The following RTN1 variants were observed in gnomAD, a reference collection of about 807,000 sequenced individuals.
RTN1 encodes reticulon-1.
In RTN1, 25 loss-of-function variants were observed where a neutral mutation model predicts 65.5. That is an observed-to-expected ratio of 0.38 (90% CI 0.28 to 0.53). RTN1 has a LOEUF of 0.53. Among genes scored for constraint, RTN1 ranks in the 20% least tolerant of loss-of-function variants. RTN1 has a pLI of 0.79. For missense variants in RTN1, 983 were observed against 1,025.4 expected (o/e 0.96, Z 0.57); for synonymous variants, 471 against 447.6 (o/e 1.05, Z -0.66).
At chr14:59,788,877 T>C (rs1335141284) in intron 1 of RTN1, among the ~76,000 whole-genome samples, 1 of 152,144 alleles carries the variant, frequency 6.6e-6, no homozygotes, top group African/African-American at 2.4e-5. Context: ...GATGCATTGA[T>C]TTCAGTTGGT....
At chr14:59,650,756 A>G (rs535012332) in intron 3 of RTN1, among the ~76,000 whole-genome samples, 2 of 152,376 alleles carry the variant, frequency 1.3e-5, no homozygotes, top group African/African-American at 2.4e-5. Context: ...GAAGTCAGAG[A>G]TAACACAAAC....
intron 3 of RTN1, among the ~76,000 whole-genome samples, chr14:59,608,915 TA>T (rs138360256): frequency 2.7e-5 from 4 of 150,820 alleles, no homozygotes; most frequent in African/African-American, 4.9e-5. Context: ...AAATAAAAAA[TA>T]AAAAAAAAGT....
chr14:59,750,395 TAA>T (rs1457870005), intron 1 of RTN1, among the ~76,000 whole-genome samples: 5 of 58,906 alleles, frequency 8.5e-5, no homozygotes, highest in African/African-American at 1.3e-4. Context: ...ATTATATCTA[TAA>T]TATATATATT....
At chr14:59,800,055 C>G (rs888334296) in intron 1 of RTN1, among the ~76,000 whole-genome samples, 20 of 152,044 alleles carry the variant, frequency 1.3e-4, no homozygotes, top group Admixed American at 1.2e-3. Context: ...GAAAGAGAAC[C>G]CCTCCGTGGC....
intron 3 of RTN1, among the ~76,000 whole-genome samples, chr14:59,693,873 G>A (rs1318609408): frequency 6.6e-6 from 1 of 152,164 alleles, no homozygotes; most frequent in African/African-American, 2.4e-5. Context: ...GAATCCAAAG[G>A]CTGGTCTATG....
At chr14:59,869,579 TG>T (rs753626233) in intron 1 of RTN1, among the ~76,000 whole-genome samples, 17,039 of 56,252 alleles carry the variant, frequency 0.3, 1,013 homozygotes, top group East Asian at 0.4. Flanking sequence ...ATTTCCGGGG[TG>T]GGGGGGGGGG....
chr14:59,767,606 T>G (rs1175424451), intron 1 of RTN1, among the ~76,000 whole-genome samples: 1 of 152,088 alleles, frequency 6.6e-6, no homozygotes, highest in African/African-American at 2.4e-5. Flanking sequence ...AGAAAACAAG[T>G]AGACAGCAGA....
intron 1 of RTN1, among the ~76,000 whole-genome samples, chr14:59,831,769 T>C (rs1887128484): frequency 6.6e-6 from 1 of 151,990 alleles, no homozygotes; most frequent in East Asian, 1.9e-4. Context: ...TCCATATATA[T>C]ATATACATCC....
chr14:59,809,588 G>T (rs60669266), intron 1 of RTN1, among the ~76,000 whole-genome samples: 1 of 152,086 alleles, frequency 6.6e-6, no homozygotes, highest in South Asian at 2.1e-4. Flanking sequence ...TAAATAGAAG[G>T]CTAATTAATC....
In RTN1 at chr14:59,603,055, T is replaced by A; in HGVS notation, c.2288+10A>T. On this transcript the variant is annotated intron_variant, in intron 8 of 8. Transcript: ENST00000267484. ...GTCTCTCCTTTTATGCATTGCACTATGTGACTTACTTTGCCACAACAGCAT... is the reference window on the plus strand; with the variant it reads ...GTCTCTCCTTTTATGCATTGCACTAAGTGACTTACTTTGCCACAACAGCAT... 6.2e-7 allele frequency: 1 copy of A among 1,612,378 alleles called. No individual in the cohort carries two copies. Among genetic ancestry groups the A allele is most frequent in the Admixed American group, 1.7e-5 (1 of 60,002 alleles).
At chr14:59,692,303 C>A (rs1365938359) in intron 3 of RTN1, among the ~76,000 whole-genome samples, 1 of 151,902 alleles carries the variant, frequency 6.6e-6, no homozygotes, top group African/African-American at 2.4e-5. Context: ...AAGCTGAGAG[C>A]CAAATCAAGA....
intron 1 of RTN1, among the ~76,000 whole-genome samples, chr14:59,845,460 C>T (rs1887391440): frequency 6.6e-6 from 1 of 152,152 alleles, no homozygotes; most frequent in South Asian, 2.1e-4. Context: ...ATCCCTCTTG[C>T]TCTCCACTGC....
chr14:59,631,295 C>T (rs1278815836), intron 3 of RTN1, among the ~76,000 whole-genome samples: 3 of 152,176 alleles, frequency 2.0e-5, no homozygotes, highest in African/African-American at 7.2e-5. Flanking sequence ...TGTCAGAATG[C>T]GGTGCCTGTA....
At chr14:59,773,973 TTC>T (rs1886005789) in intron 1 of RTN1, among the ~76,000 whole-genome samples, 1 of 152,218 alleles carries the variant, frequency 6.6e-6, no homozygotes, top group Non-Finnish European at 1.5e-5. Context: ...ATGCCTTCTT[TTC>T]TCTCTTTCAT....
intron 3 of RTN1, among the ~76,000 whole-genome samples, chr14:59,682,889 GA>G (rs1024332604): frequency 7.2e-5 from 11 of 152,122 alleles, no homozygotes; most frequent in Admixed American, 1.3e-4. Context: ...TTGCCTAATA[GA>G]AATCTTACTT....
chr14:59,599,365 G>T (rs1881507239), intron 8 of RTN1, among the ~76,000 whole-genome samples: 1 of 152,120 alleles, frequency 6.6e-6, no homozygotes, highest in African/African-American at 2.4e-5. Flanking sequence ...TTCTGAATTT[G>T]CTTTTGCTTC....
chr14:59,860,798 T>C (rs764953206), intron 1 of RTN1, among the ~76,000 whole-genome samples: 4 of 152,106 alleles, frequency 2.6e-5, no homozygotes, highest in Non-Finnish European at 4.4e-5. Context: ...TCAAAGGAGA[T>C]CATTTTGAAG....
At chr14:59,730,774 A>C (rs72716160) in intron 2 of RTN1, among the ~76,000 whole-genome samples, 1 of 152,354 alleles carries the variant, frequency 6.6e-6, no homozygotes, top group Non-Finnish European at 1.5e-5. Flanking sequence ...TTCACCAGAG[A>C]AATGCGAATC....
rs376425677 is a variant in RTN1 at position 59,749,314 on chromosome 14, A to C, written c.242-2833T>G. 6.5e-5 allele frequency among the ~76,000 whole-genome samples: 4 copies of C among 61,914 alleles called. 1 individual carries two copies. The highest frequency in any genetic ancestry group is 4.1e-4 in the African/African-American group (4 of 9,744). 40.6% of individuals were successfully genotyped at this position (61,914 alleles called of 152,430 possible). ...TATATATATCTATATATATCTATATATATATCTATATATCTATATATATCT... is the reference window on the plus strand; with the variant it reads ...TATATATATCTATATATATCTATATCTATATCTATATATCTATATATATCT... On this transcript the variant is annotated intron_variant, in intron 1 of 8. Transcript: ENST00000267484.
Sources: allele counts gnomAD v4.1 joint callset (sites outside exome capture counted in the v4.1 genomes callset), GRCh38; gene constraint gnomAD v4.1.1; transcripts MANE v1.5; gene names NCBI Gene and HGNC (gene_info 2026-07-23, HGNC 2026-07-21).